NFATC1: variants seen among roughly 807,000 people sequenced by gnomAD.
NFATC1 encodes nuclear factor of activated T cells 1, also known as nuclear factor of activated T-cells, cytoplasmic 1.
Under a neutral mutation model 76.0 loss-of-function variants are expected in NFATC1, and 22 were observed. The ratio of observed to expected loss-of-function variants is 0.29; its 90% CI spans 0.21 to 0.41. NFATC1 has a LOEUF of 0.41. Among genes scored for constraint, NFATC1 ranks in the 10% least tolerant of loss-of-function variants. The probability of loss-of-function intolerance (pLI) is 1.00; values close to 1 mark genes in which losing one functional copy is unlikely to be tolerated. For synonymous variants in NFATC1, 704 were observed against 613.1 expected (o/e 1.15, Z -2.19); for missense variants, 1,357 against 1,337.7 (o/e 1.01, Z -0.23).
intron 9 of NFATC1, among the ~76,000 whole-genome samples, chr18:79,501,317 A>G (rs1374802103): frequency 1.3e-5 from 2 of 152,212 alleles, no homozygotes; most frequent in African/African-American, 2.4e-5. Flanking sequence ...CTTAGAACAC[A>G]AGGGAACTTC....
chr18:79,498,759 C>T (rs1189119895), intron 9 of NFATC1, among the ~76,000 whole-genome samples: 1 of 152,206 alleles, frequency 6.6e-6, no homozygotes, highest in Non-Finnish European at 1.5e-5. Flanking sequence ...GAGACAATCC[C>T]GAAAGCAGTG....
chr18:79,453,992 C>T (rs2087583868), intron 6 of NFATC1, among the ~76,000 whole-genome samples: 1 of 152,228 alleles, frequency 6.6e-6, no homozygotes, highest in African/African-American at 2.4e-5. Flanking sequence ...CGAGAGAAAC[C>T]ACTAAACTGA....
At chr18:79,460,446 C>T (rs1020346479) in intron 6 of NFATC1, among the ~76,000 whole-genome samples, 1 of 152,330 alleles carries the variant, frequency 6.6e-6, no homozygotes, top group Non-Finnish European at 1.5e-5. Context: ...GGGGCCAGGC[C>T]GTGCACACAC....
At chr18:79,467,210 A>C (rs542237335) in intron 7 of NFATC1, among the ~76,000 whole-genome samples, 1 of 152,324 alleles carries the variant, frequency 6.6e-6, no homozygotes, top group East Asian at 1.9e-4. Context: ...TGCAGGTGGC[A>C]CAGAGCATCC....
chr18:79,464,681 T>TAC lies in NFATC1; in HGVS notation c.1960-2769_1960-2768insAC, dbSNP rs1423894668. 4.2e-3 allele frequency among the ~76,000 whole-genome samples: 417 copies of TAC among 99,498 alleles called. 9 individuals carry two copies. Among genetic ancestry groups the TAC allele is most frequent in the Admixed American group, 5.5e-3 (56 of 10,132 alleles). The allele number at this position is 99,498 out of a possible 152,430, so 65.3% of individuals were successfully genotyped here. A position where few individuals can be genotyped will look rare whatever the true frequency, so the allele number is the denominator to read the frequency against. On this transcript the variant is annotated intron_variant, in intron 7 of 9. Coordinates refer to ENST00000427363, the MANE Select transcript of NFATC1 (RefSeq NM_001278669.2). ...GTGTGTGTGTGTGTGTATATGTATG[T>TAC]GTATATATATATATTTATTTATTTA...
intron 8 of NFATC1, among the ~76,000 whole-genome samples, chr18:79,479,966 G>A (rs995182437): frequency 6.6e-6 from 1 of 152,228 alleles, no homozygotes; most frequent in Non-Finnish European, 1.5e-5. Flanking sequence ...TCATGGGCAA[G>A]GCTGGGAGAA....
intron 9 of NFATC1, among the ~76,000 whole-genome samples, chr18:79,501,466 A>C (rs1569036115): frequency 6.6e-6 from 1 of 152,230 alleles, no homozygotes; most frequent in Admixed American, 6.5e-5. Context: ...TCAGCCTTGT[A>C]CTGGAGGTTC....
In NFATC1 at chr18:79,396,052, C is replaced by A. The variant is rs1177591378; in HGVS notation, c.-173C>A. ...GGAGCCACCGCGCAGGTCCTAGGGCCGCGGCCGGGCCCCGCCACGCGCGCA... is the reference window on the plus strand; with the variant it reads ...GGAGCCACCGCGCAGGTCCTAGGGCAGCGGCCGGGCCCCGCCACGCGCGCA... On this transcript the variant is annotated 5_prime_UTR_variant, in exon 1 of 10. Coordinates refer to ENST00000427363, the MANE Select transcript of NFATC1 (RefSeq NM_001278669.2). 1.3e-6 allele frequency: 1 copy of A among 765,518 alleles called. No homozygotes were observed. Among genetic ancestry groups the A allele is most frequent in the Non-Finnish European group, 1.7e-6 (1 of 594,642 alleles). The allele number at this position is 765,518 out of a possible 1,614,324, so 47.4% of individuals were successfully genotyped here.
intron 3 of NFATC1, among the ~76,000 whole-genome samples, chr18:79,447,127 G>A (rs562523991): frequency 3.8e-4 from 58 of 152,316 alleles, no homozygotes; most frequent in East Asian, 1.9e-3. Context: ...TTCAGCCACC[G>A]GTGAGATTGG....
intron 8 of NFATC1, among the ~76,000 whole-genome samples, chr18:79,480,853 G>A (rs2089247784): frequency 6.6e-6 from 1 of 152,240 alleles, no homozygotes; most frequent in South Asian, 2.1e-4. Context: ...CCCATGCCTG[G>A]CCATGTTTCT....
At chr18:79,435,894 G>A (rs1441137723) in intron 3 of NFATC1, among the ~76,000 whole-genome samples, 2 of 152,288 alleles carry the variant, frequency 1.3e-5, no homozygotes, top group East Asian at 1.9e-4. Flanking sequence ...CACGGAGAAT[G>A]TCAGGAGCTG....
chr18:79,405,309 C>G (rs183026764), intron 1 of NFATC1, among the ~76,000 whole-genome samples: 213 of 152,358 alleles, frequency 1.4e-3, no homozygotes, highest in African/African-American at 4.9e-3. Context: ...GTGAATCCTC[C>G]TTGGCAAAGA....
At chr18:79,419,810 C>T (rs912824852) in intron 2 of NFATC1, among the ~76,000 whole-genome samples, 3 of 152,232 alleles carry the variant, frequency 2.0e-5, no homozygotes, top group Non-Finnish European at 1.5e-5. Flanking sequence ...GGCAGCCGGG[C>T]AGCCGCAGGG....
chr18:79,431,462 T>G (rs1237247719), intron 2 of NFATC1, among the ~76,000 whole-genome samples: 1 of 151,922 alleles, frequency 6.6e-6, no homozygotes, highest in Non-Finnish European at 1.5e-5. Context: ...CAGGCGATCC[T>G]CCCCGCTCAG....
chr18:79,437,605 C>G (rs1315982533), intron 3 of NFATC1, among the ~76,000 whole-genome samples: 1 of 152,266 alleles, frequency 6.6e-6, no homozygotes, highest in Non-Finnish European at 1.5e-5. Context: ...GGATGTTTCC[C>G]TCTGGCCTCA....
intron 8 of NFATC1, among the ~76,000 whole-genome samples, chr18:79,482,527 C>G (rs1189436816): frequency 2.0e-5 from 3 of 147,416 alleles, no homozygotes; most frequent in African/African-American, 7.6e-5. Flanking sequence ...TGACCTGGTC[C>G]TGGGGTGTCA....
intron 9 of NFATC1, among the ~76,000 whole-genome samples, chr18:79,514,758 G>T (rs543338654): frequency 6.6e-6 from 1 of 152,074 alleles, no homozygotes; most frequent in African/African-American, 2.4e-5. Context: ...AGTAAGGCAG[G>T]TTTGGGGCTG....
At position 79,411,291 on chromosome 18, in the gene NFATC1, C is replaced by G. The variant is rs575130142; in HGVS notation, c.1016C>G (p.Thr339Ser). 33 of 1,603,600 alleles carry G rather than the reference C, an allele frequency of 2.1e-5. No homozygotes were observed. In the South Asian group the frequency reaches 3.6e-4, roughly 18 times the overall value. ...GTCCCTGTCAAGTCCCGCAAGACCACCCTGGAGCAGCCGCCCTCAGTGGCG... is the reference window on the plus strand; with the variant it reads ...GTCCCTGTCAAGTCCCGCAAGACCAGCCTGGAGCAGCCGCCCTCAGTGGCG... The part of the protein sequence containing the change: ...DGVPVKSRKT[T>S]LEQPPSVALK... Residue 339 changes from threonine (T) to serine (S), a missense_variant, in exon 2 of 10, where the codon ACC (threonine) becomes AGC (serine). Physicochemically the swap from Thr to Ser is moderately conservative, Grantham distance 58 (BLOSUM62 1). Coordinates refer to ENST00000427363, the MANE Select transcript of NFATC1 (RefSeq NM_001278669.2).
intron 8 of NFATC1, among the ~76,000 whole-genome samples, chr18:79,471,907 C>T (rs2088802924): frequency 6.6e-6 from 1 of 152,242 alleles, no homozygotes. Flanking sequence ...ACGCGCTTCC[C>T]TCCCCCGGTA....
Sources: gnomAD v4.1 joint callset for allele counts (sites outside exome capture counted in the v4.1 genomes callset) on GRCh38, gnomAD v4.1.1 for gene constraint, MANE v1.5 for transcripts, NCBI Gene and HGNC (gene_info 2026-07-23, HGNC 2026-07-21) for gene names.